The following FRAS1 variants were observed in gnomAD, a reference collection of about 807,000 sequenced individuals.
FRAS1 encodes extracellular matrix organizing protein FRAS1.
A neutral mutation model predicts 435.2 loss-of-function variants in FRAS1; 290 were observed. The ratio of observed to expected loss-of-function variants is 0.67; its 90% CI spans 0.61 to 0.73. FRAS1 has a LOEUF of 0.73. Among genes scored for constraint, FRAS1 ranks in the 30% least tolerant of loss-of-function variants. The pLI is 0.00. For missense variants in FRAS1, 4,860 were observed against 5,001.5 expected, an observed-to-expected ratio of 0.97 and a Z score of 0.85; for synonymous variants, 1,800 against 1,851.0, an observed-to-expected ratio of 0.97 and a Z score of 0.71.
intron 66 of FRAS1, among the ~76,000 whole-genome samples, chr4:78,517,815 A>T (rs964452885): frequency 7.9e-4 from 121 of 152,326 alleles, no homozygotes; most frequent in Non-Finnish European, 1.8e-4. Flanking sequence ...ACAAATGAGG[A>T]AAAATTAATT....
intron 2 of FRAS1, among the ~76,000 whole-genome samples, chr4:78,186,065 T>C (rs1722255552): frequency 6.6e-6 from 1 of 152,206 alleles, no homozygotes; most frequent in Non-Finnish European, 1.5e-5. Context: ...TATAGCTGTT[T>C]GGTAACATCA....
intron 2 of FRAS1, among the ~76,000 whole-genome samples, chr4:78,148,087 C>T (rs905706621): frequency 6.6e-5 from 10 of 152,104 alleles, no homozygotes; most frequent in Middle Eastern, 3.4e-3. Context: ...GTCTTCCCTT[C>T]TACAAAACAT....
At chr4:78,316,815 C>A (rs1346757163) in intron 16 of FRAS1, among the ~76,000 whole-genome samples, 2 of 152,148 alleles carry the variant, frequency 1.3e-5, no homozygotes, top group Non-Finnish European at 2.9e-5. Context: ...TGTGCTCATG[C>A]CAAGAAAACT....
Position 78,542,409 on chromosome 4 carries a change from T to C in FRAS1, c.*1285T>C, listed in dbSNP as rs986301760. ...TGTTTCTCTTCTGTTTCTGCCTTAT[T>C]GGCGGAAACATAAGCGTGCATGCCA... On this transcript the variant is annotated 3_prime_UTR_variant, in exon 74 of 74. Transcript: ENST00000512123. 1 of 152,548 alleles carries C rather than the reference T, an allele frequency of 6.6e-6. No homozygotes were observed. The highest frequency in any genetic ancestry group is 1.5e-5 in the Non-Finnish European group (1 of 68,028). 9.4% of individuals were successfully genotyped at this position (152,548 alleles called of 1,614,324 possible). A position where few individuals can be genotyped will look rare whatever the true frequency, so the allele number is the denominator to read the frequency against.
intron 52 of FRAS1, among the ~76,000 whole-genome samples, chr4:78,472,928 C>G (rs1327165441): frequency 6.6e-6 from 1 of 152,174 alleles, no homozygotes; most frequent in South Asian, 2.1e-4. Flanking sequence ...TCTTTTTACT[C>G]TCTGTCCTCA....
chr4:78,331,998 G>A (rs533497759), intron 18 of FRAS1, among the ~76,000 whole-genome samples: 1 of 152,168 alleles, frequency 6.6e-6, no homozygotes, highest in Non-Finnish European at 1.5e-5. Flanking sequence ...GGTGATGGGG[G>A]GAACATGGGC....
At chr4:78,219,206 A>G (rs1311705613) in intron 2 of FRAS1, among the ~76,000 whole-genome samples, 5 of 152,162 alleles carry the variant, frequency 3.3e-5, no homozygotes, top group Admixed American at 1.3e-4. Flanking sequence ...TTATACATCT[A>G]TTATCAGACT....
chr4:78,347,446 C>T (rs1285932093), intron 20 of FRAS1, among the ~76,000 whole-genome samples: 4 of 152,154 alleles, frequency 2.6e-5, no homozygotes, highest in African/African-American at 4.8e-5. Context: ...GAAAACTTGT[C>T]GATGCCTTCC....
At chr4:78,079,406 TC>T (rs1181682651) in intron 2 of FRAS1, among the ~76,000 whole-genome samples, 1 of 152,134 alleles carries the variant, frequency 6.6e-6, no homozygotes, top group Admixed American at 6.6e-5. Flanking sequence ...TAGACAAGGT[TC>T]TTTCTCAAAG....
At chr4:78,195,362 C>A (rs980270374) in intron 2 of FRAS1, among the ~76,000 whole-genome samples, 3 of 152,216 alleles carry the variant, frequency 2.0e-5, no homozygotes, top group Admixed American at 2.0e-4. Flanking sequence ...ATTGCCCTGC[C>A]CCCAGAGGTG....
At chr4:78,181,932 T>G in intron 2 of FRAS1, 1 of 1,608,988 alleles carries the variant, frequency 6.2e-7, no homozygotes, top group Non-Finnish European at 8.5e-7. Flanking sequence ...CCGGCTTCTT[T>G]TTTCTTGTTC....
intron 6 of FRAS1, among the ~76,000 whole-genome samples, chr4:78,260,505 G>T (rs1726033512): frequency 6.6e-6 from 1 of 151,594 alleles, no homozygotes. Flanking sequence ...CTCTCTGTTT[G>T]TCTGTTGTTG....
At chr4:78,254,988 C>T (rs757913070) in intron 5 of FRAS1, among the ~76,000 whole-genome samples, 1 of 152,104 alleles carries the variant, frequency 6.6e-6, no homozygotes, top group Non-Finnish European at 1.5e-5. Context: ...AGTGGAGGAG[C>T]TGGTAGCTGA....
At chr4:78,259,340 C>T (rs1725960740) in intron 6 of FRAS1, among the ~76,000 whole-genome samples, 2 of 120,618 alleles carry the variant, frequency 1.7e-5, no homozygotes, top group Non-Finnish European at 3.7e-5. Context: ...AAAAGTGTTC[C>T]TATTTCTCCA....
At chr4:78,140,380 T>G (rs189021962) in intron 2 of FRAS1, among the ~76,000 whole-genome samples, 1 of 152,272 alleles carries the variant, frequency 6.6e-6, no homozygotes, top group East Asian at 1.9e-4. Context: ...AAGTTGCACT[T>G]TTATTTTAGA....
At chr4:78,068,531 A>G (rs1740168491) in intron 2 of FRAS1, 2 of 456,170 alleles carry the variant, frequency 4.4e-6, no homozygotes, top group African/African-American at 4.0e-5. Context: ...AGCCTTGTGC[A>G]GACTTTAGCT....
Position 78,280,105 on chromosome 4 carries a change from A to G in FRAS1, c.1072-1293A>G, listed in dbSNP as rs183686058. ...TTTATTCTCACCTTAGACCTTAACA[A>G]CCTCACATAATTTTTTTCTTTTCTT... On this transcript the variant is annotated intron_variant, in intron 10 of 73. Transcript: ENST00000512123. 5.9e-5 allele frequency among the ~76,000 whole-genome samples: 9 copies of G among 152,262 alleles called. No individual in the cohort carries two copies. The East Asian group carries it at 1.7e-3, about 29-fold the overall frequency.
intron 18 of FRAS1, among the ~76,000 whole-genome samples, chr4:78,332,294 C>A (rs1366222999): frequency 6.6e-6 from 1 of 152,116 alleles, no homozygotes; most frequent in Non-Finnish European, 1.5e-5. Flanking sequence ...GGGCCAGTCT[C>A]TCCAAAATCT....
At chr4:78,116,801 C>G (rs1190670143) in intron 2 of FRAS1, among the ~76,000 whole-genome samples, 1 of 152,176 alleles carries the variant, frequency 6.6e-6, no homozygotes. Flanking sequence ...CAGTCTGTGT[C>G]TTTTAATTGG....
Sources: allele counts gnomAD v4.1 joint callset (sites outside exome capture counted in the v4.1 genomes callset), GRCh38; gene constraint gnomAD v4.1.1; transcripts MANE v1.5; gene names NCBI Gene and HGNC (gene_info 2026-07-23, HGNC 2026-07-21).